GTF3C3: variants seen among roughly 807,000 people sequenced by gnomAD.
GTF3C3 encodes general transcription factor 3C polypeptide 3.
GTF3C3 carries 75 observed loss-of-function variants against 105.2 expected under a neutral mutation model. The ratio of observed to expected loss-of-function variants is 0.71; its 90% CI spans 0.59 to 0.86. The LOEUF (loss-of-function observed/expected upper bound fraction) is 0.86, where lower values mean the gene tolerates loss of function less well. GTF3C3 is among the 40% of genes least tolerant of loss of function. The pLI is 0.00. For missense variants in GTF3C3, 856 were observed against 1,076.5 expected (o/e 0.80, Z 2.87); for synonymous variants, 335 against 370.4 (o/e 0.90, Z 1.10).
intron 6 of GTF3C3, among the ~76,000 whole-genome samples, chr2:196,788,241 C>T (rs1020811539): frequency 9.2e-5 from 14 of 152,218 alleles, no homozygotes; most frequent in Admixed American, 6.5e-4. Context: ...CACAGCTAAG[C>T]ATCATTGTGA....
chr2:196,769,890 G>T, intron 16 of GTF3C3, 25 bp downstream of exon 16: 1 of 1,583,222 alleles, frequency 6.3e-7, no homozygotes, highest in Non-Finnish European at 8.6e-7. Flanking sequence ...ATAAAATCAA[G>T]TAACGAGAAA....
chr2:196,798,150 C>G (rs892152009), intron 1 of GTF3C3, among the ~76,000 whole-genome samples: 14 of 152,238 alleles, frequency 9.2e-5, no homozygotes, highest in Admixed American at 5.9e-4. Context: ...GTACTTATAT[C>G]TTACCCTTCA....
Position 196,797,461 on chromosome 2 carries a change from T to C in GTF3C3, c.214+336A>G, listed in dbSNP as rs139741504. On this transcript the variant is annotated intron_variant, in intron 2 of 17. Transcript: ENST00000263956. ...TTGGAAGCCACTTTATATCGAAGTGTAATTCATTACAATTTGAGGAAGTAT... is the reference window on the plus strand; with the variant it reads ...TTGGAAGCCACTTTATATCGAAGTGCAATTCATTACAATTTGAGGAAGTAT... Among the ~76,000 whole-genome samples the C allele has an allele frequency of 1.1e-3, 166 of 152,336 alleles. No homozygotes were observed. The East Asian group carries it at 0.019, about 17-fold the overall frequency.
At chr2:196,773,252 C>A in intron 13 of GTF3C3, 99 bp from the exon 14 acceptor site, 3 of 740,562 alleles carry the variant, frequency 4.1e-6, no homozygotes, top group Non-Finnish European at 7.0e-6. Flanking sequence ...AGTTTAATAA[C>A]CATGAGCCTA....
chr2:196,785,702 G>A (rs551825529), intron 6 of GTF3C3, 114 bp from the exon 7 acceptor site: 1 of 655,582 alleles, frequency 1.5e-6, no homozygotes, highest in Non-Finnish European at 2.6e-6. Context: ...TAGAATTTGA[G>A]AGGAATGTGT....
intron 15 of GTF3C3, among the ~76,000 whole-genome samples, chr2:196,771,076 T>C (rs1041996276): frequency 2.6e-5 from 4 of 152,196 alleles, no homozygotes; most frequent in Non-Finnish European, 4.4e-5. Flanking sequence ...TTTAAACATT[T>C]AGTTAGTTAG....
At chr2:196,775,038 T>C (rs1348403423) in intron 13 of GTF3C3, 78 bp downstream of exon 13, 1 of 958,190 alleles carries the variant, frequency 1.0e-6, no homozygotes, top group East Asian at 2.6e-5. Context: ...TTCAATTAGA[T>C]TGCTGTCCAG....
chr2:196,798,935 C>T (rs1159616125), intron 1 of GTF3C3, among the ~76,000 whole-genome samples: 1 of 151,234 alleles, frequency 6.6e-6, no homozygotes, highest in Non-Finnish European at 1.5e-5. Context: ...TTTATTTTCT[C>T]TTGCACTTGA....
intron 10 of GTF3C3, chr2:196,778,263 C>T (rs1377145447): frequency 6.6e-6 from 1 of 152,188 alleles, no homozygotes; most frequent in Admixed American, 6.6e-5. Context: ...GTAAGAGCCA[C>T]TAGAGTTTTC....
intron 14 of GTF3C3, among the ~76,000 whole-genome samples, chr2:196,772,630 C>A (rs563942130): frequency 6.6e-6 from 1 of 152,106 alleles, no homozygotes. Flanking sequence ...TTCATCATAA[C>A]CCTATGAGAT....
chr2:196,763,427 A>AGTAAT lies in GTF3C3; in HGVS notation c.*1135_*1136insATTAC, dbSNP rs1393834376. ...CTACCATTACCTATAAATGGCATAA[A>AGTAAT]GTAAAAATTAAGCATGTGAAACAGT... On this transcript the variant is annotated 3_prime_UTR_variant, in exon 18 of 18. Transcript: ENST00000263956. 6.6e-6 allele frequency: 1 copy of AGTAAT among 152,226 alleles called. No individual in the cohort carries two copies. The highest frequency in any genetic ancestry group is 1.5e-5 in the Non-Finnish European group (1 of 68,038). The allele number at this position is 152,226 out of a possible 1,614,324, so 9.4% of individuals were successfully genotyped here.
At chr2:196,772,605 A>G (rs2125740560) in intron 14 of GTF3C3, among the ~76,000 whole-genome samples, 1 of 152,240 alleles carries the variant, frequency 6.6e-6, no homozygotes, top group East Asian at 1.9e-4. Flanking sequence ...AAAAGGCATA[A>G]CAACTCCTTT....
chr2:196,794,188 G>A (rs898623612), intron 2 of GTF3C3, among the ~76,000 whole-genome samples: 1 of 152,118 alleles, frequency 6.6e-6, no homozygotes, highest in Admixed American at 6.5e-5. Flanking sequence ...TGGGACTCTG[G>A]AGAGTCTCCA....
chr2:196,766,630 C>G lies in GTF3C3; in HGVS notation c.2473G>C (p.Gly825Arg). The G allele has an allele frequency of 6.2e-7, 1 of 1,613,166 alleles. No homozygotes were observed. Among genetic ancestry groups the G allele is most frequent in the Non-Finnish European group, 8.5e-7 (1 of 1,179,274 alleles). Residue 825 changes from glycine (G) to arginine (R), a missense_variant, in exon 17 of 18, where the codon GGG (glycine) becomes CGG (arginine). Physicochemically the swap from Gly to Arg is moderately radical, Grantham distance 125. Coordinates refer to ENST00000263956, the MANE Select transcript of GTF3C3 (RefSeq NM_012086.5). ...TAGTGGATTGCAAGATGAATCAGCCCCAACTGATGAAGGCCACGGCCCAAA... is the reference window on the plus strand; with the variant it reads ...TAGTGGATTGCAAGATGAATCAGCCGCAACTGATGAAGGCCACGGCCCAAA... ...YNLGRGLHQL[G>R]LIHLAIHYYQ...
intron 9 of GTF3C3, 82 bp downstream of exon 9, chr2:196,780,477 C>T (rs1699328366): frequency 4.1e-6 from 6 of 1,462,446 alleles, no homozygotes; most frequent in Non-Finnish European, 3.7e-6. Flanking sequence ...ACTCTAGGGT[C>T]AAGTTATAAT....
chr2:196,795,884 C>T (rs961655650), intron 2 of GTF3C3, among the ~76,000 whole-genome samples: 2 of 151,756 alleles, frequency 1.3e-5, no homozygotes, highest in Admixed American at 6.6e-5. Flanking sequence ...CATAGAAGAC[C>T]CAAAATAAAT....
rs1559295469 is a variant in GTF3C3, at chr2:196,764,693, G to A, written c.2539-8C>T. ...CTGGTCAAGTTCTATACCCTAGGGA[G>A]AAAAAGATACCTTTATGTTTAATAT... On this transcript the variant is annotated splice_region_variant and splice_polypyrimidine_tract_variant and intron_variant, in intron 17 of 17. Coordinates refer to ENST00000263956, the MANE Select transcript of GTF3C3 (RefSeq NM_012086.5). 1 of 1,601,736 alleles carries A rather than the reference G, an allele frequency of 6.2e-7. No individual in the cohort carries two copies.
intron 2 of GTF3C3, among the ~76,000 whole-genome samples, chr2:196,796,031 G>A (rs953573165): frequency 2.0e-5 from 3 of 152,154 alleles, no homozygotes; most frequent in Non-Finnish European, 4.4e-5. Context: ...TGTAAGAACG[G>A]TGTGAACAGC....
intron 3 of GTF3C3, among the ~76,000 whole-genome samples, chr2:196,792,130 TA>T (rs1699559700): frequency 6.6e-6 from 1 of 152,080 alleles, no homozygotes; most frequent in Non-Finnish European, 1.5e-5. Flanking sequence ...TGAACTTGTT[TA>T]AAAAAGTATC....
Sources: gnomAD v4.1 joint callset for allele counts (sites outside exome capture counted in the v4.1 genomes callset) on GRCh38, gnomAD v4.1.1 for gene constraint, MANE v1.5 for transcripts, NCBI Gene and HGNC (gene_info 2026-07-23, HGNC 2026-07-21) for gene names.